The following LRBA variants were observed in gnomAD, a reference collection of about 807,000 sequenced individuals.
LRBA encodes lipopolysaccharide-responsive and beige-like anchor protein.
In LRBA, 176 loss-of-function variants were observed where a neutral mutation model predicts 330.0. The observed-to-expected ratio is 0.53, with a 90% CI of 0.47 to 0.60. LRBA has a LOEUF of 0.60. Ranked by LOEUF, LRBA falls within the 20% of genes least tolerant of loss-of-function variation. LRBA has a pLI of 0.00. For missense variants in LRBA, 3,259 were observed against 3,444.8 expected (o/e 0.95, Z 1.35); for synonymous variants, 1,230 against 1,193.0 (o/e 1.03, Z -0.64).
chr4:150,804,837 G>A (rs1196363277), intron 33 of LRBA, among the ~76,000 whole-genome samples: 1 of 152,076 alleles, frequency 6.6e-6, no homozygotes, highest in Non-Finnish European at 1.5e-5. Context: ...ATGAGGTCAG[G>A]TGCAGTGGCT....
chr4:150,966,939 G>C (rs934447861), intron 2 of LRBA, among the ~76,000 whole-genome samples: 7 of 152,188 alleles, frequency 4.6e-5, no homozygotes, highest in Admixed American at 2.6e-4. Flanking sequence ...CTGAGGCCCA[G>C]AGACAACCTC....
At chr4:150,376,637 T>C (rs755838171) in intron 47 of LRBA, among the ~76,000 whole-genome samples, 2 of 152,144 alleles carry the variant, frequency 1.3e-5, no homozygotes, top group African/African-American at 2.4e-5. Context: ...CTGCATTTAG[T>C]TGTTGTGTCT....
At chr4:150,720,929 T>C in intron 36 of LRBA, 1 of 395,584 alleles carries the variant, frequency 2.5e-6, no homozygotes, top group South Asian at 2.1e-5. Context: ...GTCTGCAAAG[T>C]TCTAAGGGAA....
intron 47 of LRBA, among the ~76,000 whole-genome samples, chr4:150,399,866 C>T (rs535810662): frequency 7.2e-5 from 11 of 152,106 alleles, no homozygotes; most frequent in Non-Finnish European, 1.6e-4. Context: ...ATGCCAGCTA[C>T]ACGGGAGGCT....
chr4:150,884,382 T>A (rs867743767), intron 17 of LRBA, among the ~76,000 whole-genome samples: 1 of 152,076 alleles, frequency 6.6e-6, no homozygotes, highest in African/African-American at 2.4e-5. Flanking sequence ...ATTGAGAAAG[T>A]ACCTATATCC....
chr4:150,512,074 T>C (rs1440849034), intron 40 of LRBA, among the ~76,000 whole-genome samples: 2 of 152,270 alleles, frequency 1.3e-5, no homozygotes, highest in Non-Finnish European at 2.9e-5. Flanking sequence ...GTATACCCAA[T>C]GAATTAATGA....
chr4:150,367,731 G>A (rs1361889418), intron 47 of LRBA, among the ~76,000 whole-genome samples: 1 of 152,142 alleles, frequency 6.6e-6, no homozygotes, highest in African/African-American at 2.4e-5. Context: ...TCAAAATGAA[G>A]TAATTTGCTT....
intron 22 of LRBA, among the ~76,000 whole-genome samples, chr4:150,858,136 CTT>C (rs1037436135): frequency 1.1e-4 from 17 of 152,180 alleles, no homozygotes; most frequent in African/African-American, 3.9e-4. Context: ...GTAATGAAAA[CTT>C]ATTATTATTT....
chr4:150,345,307 T>C (rs149423488), intron 48 of LRBA, among the ~76,000 whole-genome samples: 1 of 152,330 alleles, frequency 6.6e-6, no homozygotes, highest in East Asian at 1.9e-4. Context: ...TAAAAGGTTG[T>C]TGAAAAAATG....
intron 47 of LRBA, among the ~76,000 whole-genome samples, chr4:150,374,992 A>G (rs1188776829): frequency 6.6e-6 from 1 of 152,208 alleles, no homozygotes; most frequent in Non-Finnish European, 1.5e-5. Flanking sequence ...TTCTATTCAC[A>G]AAAAGCATCA....
chr4:150,625,803 G>A (rs1044433674), intron 37 of LRBA, among the ~76,000 whole-genome samples: 7 of 151,544 alleles, frequency 4.6e-5, no homozygotes, highest in South Asian at 2.1e-4. Context: ...TCCACCTCCC[G>A]GGTTAGAGTG....
chr4:150,444,983 T>C (rs1259859383), intron 44 of LRBA, among the ~76,000 whole-genome samples: 1 of 152,106 alleles, frequency 6.6e-6, no homozygotes, highest in Admixed American at 6.6e-5. Context: ...CCAATGCCAC[T>C]GCTGAGCTAA....
chr4:150,661,767 C>T (rs773071969), intron 37 of LRBA, among the ~76,000 whole-genome samples: 16 of 151,814 alleles, frequency 1.1e-4, no homozygotes, highest in Non-Finnish European at 2.2e-4. Flanking sequence ...CCCACCATCA[C>T]ACCTAGTTAA....
At position 150,786,692 on chromosome 4, in the gene LRBA, C is replaced by T. The variant is rs188607266; in HGVS notation, c.5580+11389G>A. 4.4e-3 allele frequency among the ~76,000 whole-genome samples: 663 copies of T among 152,258 alleles called. 4 individuals are homozygous for T. Among genetic ancestry groups the T allele is most frequent in the African/African-American group, 0.015 (633 of 41,554 alleles). On this transcript the variant is annotated intron_variant, in intron 34 of 56. Coordinates refer to ENST00000651943, the MANE Select transcript of LRBA (RefSeq NM_001364905.1). ...GATTTTATCCCCAAACTATCAGCAGCACTCTGACCAAAAAAATATGTTTAA... is the reference window on the plus strand; with the variant it reads ...GATTTTATCCCCAAACTATCAGCAGTACTCTGACCAAAAAAATATGTTTAA...
chr4:150,376,367 G>A (rs765775889), intron 47 of LRBA, among the ~76,000 whole-genome samples: 9 of 151,936 alleles, frequency 5.9e-5, no homozygotes, highest in South Asian at 2.1e-4. Flanking sequence ...TTTTTAGGTC[G>A]GCACAAAATT....
At chr4:150,567,967 T>C (rs1468230602) in intron 40 of LRBA, among the ~76,000 whole-genome samples, 1 of 151,986 alleles carries the variant, frequency 6.6e-6, no homozygotes, top group Non-Finnish European at 1.5e-5. Flanking sequence ...AAAACAACGA[T>C]ATATTAGAGT....
chr4:150,447,578 C>A (rs74852276), intron 44 of LRBA, among the ~76,000 whole-genome samples: 2,670 of 152,238 alleles, frequency 0.018, 82 homozygotes, highest in African/African-American at 0.059. Context: ...AGATGGCAGA[C>A]TGTGGGACTT....
intron 22 of LRBA, among the ~76,000 whole-genome samples, chr4:150,864,587 TGCAGTA>T (rs1242726832): frequency 6.6e-6 from 1 of 150,934 alleles, no homozygotes; most frequent in African/African-American, 2.4e-5. Context: ...CATACAGCTA[TGCAGTA>T]GGAAAGGAGG....
At chr4:150,571,411 T>A (rs992288825) in intron 40 of LRBA, among the ~76,000 whole-genome samples, 1 of 151,974 alleles carries the variant, frequency 6.6e-6, no homozygotes, top group African/African-American at 2.4e-5. Flanking sequence ...TCCATAAGCC[T>A]CAAAAGGTAA....
Sources: gnomAD v4.1 joint callset for allele counts (sites outside exome capture counted in the v4.1 genomes callset) on GRCh38, gnomAD v4.1.1 for gene constraint, MANE v1.5 for transcripts, NCBI Gene and HGNC (gene_info 2026-07-23, HGNC 2026-07-21) for gene names.